The following INTU variants were observed in gnomAD, a reference collection of about 807,000 sequenced individuals.
INTU encodes the protein protein inturned.
A neutral mutation model predicts 100.5 loss-of-function variants in INTU; 68 were observed. The observed-to-expected ratio is 0.68, with a 90% CI of 0.56 to 0.83. The LOEUF (loss-of-function observed/expected upper bound fraction) is 0.83. Ranked by LOEUF, INTU falls within the 40% of genes least tolerant of loss-of-function variation. The pLI, the probability that INTU is intolerant of heterozygous loss-of-function variation, is 0.00. For missense variants in INTU, 1,071 were observed against 1,114.7 expected (o/e 0.96, Z 0.56); for synonymous variants, 357 against 395.7 (o/e 0.90, Z 1.16).
At chr4:127,649,636 T>A (rs925172247) in intron 2 of INTU, among the ~76,000 whole-genome samples, 1 of 152,116 alleles carries the variant, frequency 6.6e-6, no homozygotes, top group East Asian at 1.9e-4. Flanking sequence ...AGTTTTGGAT[T>A]TTGGAGGATT....
chr4:127,656,500 C>T, intron 2 of INTU, 136 bp from the exon 3 acceptor site: 1 of 598,486 alleles, frequency 1.7e-6, no homozygotes. Flanking sequence ...TAAACCTGGA[C>T]AAGTTCCTGC....
At chr4:127,636,386 A>G (rs138928013) in intron 1 of INTU, among the ~76,000 whole-genome samples, 3,786 of 152,126 alleles carry the variant, frequency 0.025, 150 homozygotes, top group African/African-American at 0.086. Flanking sequence ...CGAGGCGGGC[A>G]GATCACCTGA....
chr4:127,689,922 CAT>C (rs1730036485), intron 8 of INTU, among the ~76,000 whole-genome samples: 1 of 152,192 alleles, frequency 6.6e-6, no homozygotes, highest in East Asian at 1.9e-4. Context: ...ATGCCCACTT[CAT>C]GAGTCAGAAG....
intron 4 of INTU, among the ~76,000 whole-genome samples, chr4:127,664,895 G>A (rs1485408483): frequency 1.3e-5 from 2 of 151,522 alleles, no homozygotes; most frequent in Non-Finnish European, 2.9e-5. Context: ...AATTTCTACT[G>A]GAACTGCTTT....
At chr4:127,676,629 C>G (rs1438780668) in intron 6 of INTU, among the ~76,000 whole-genome samples, 3 of 151,454 alleles carry the variant, frequency 2.0e-5, no homozygotes, top group Admixed American at 1.3e-4. Context: ...CCAAGATGGC[C>G]GAATAGGAAC....
chr4:127,697,652 A>G (rs1424589076), intron 8 of INTU, among the ~76,000 whole-genome samples: 1 of 152,086 alleles, frequency 6.6e-6, no homozygotes, highest in African/African-American at 2.4e-5. Flanking sequence ...TGTTCTTTTT[A>G]TGGCTAAATA....
intron 8 of INTU, among the ~76,000 whole-genome samples, chr4:127,696,814 A>G (rs774077551): frequency 6.6e-6 from 1 of 152,126 alleles, no homozygotes; most frequent in Non-Finnish European, 1.5e-5. Context: ...ATATGCATTT[A>G]ATGCTATAAA....
At chr4:127,645,913 T>G (rs1362391001) in intron 2 of INTU, among the ~76,000 whole-genome samples, 1 of 151,922 alleles carries the variant, frequency 6.6e-6, no homozygotes, top group Non-Finnish European at 1.5e-5. Flanking sequence ...CCTGGCGTGG[T>G]GGCTAACACT....
intron 9 of INTU, among the ~76,000 whole-genome samples, chr4:127,703,864 G>C (rs956745532): frequency 9.2e-5 from 14 of 152,044 alleles, no homozygotes; most frequent in African/African-American, 3.4e-4. Context: ...CAAATAGGTT[G>C]CATCAATTAG....
At chr4:127,666,933 T>C (rs921221803) in intron 4 of INTU, among the ~76,000 whole-genome samples, 10 of 152,226 alleles carry the variant, frequency 6.6e-5, no homozygotes. Flanking sequence ...ATTTAGTGAA[T>C]AATCAAAATG....
chr4:127,685,740 A>C (rs1578601139), intron 7 of INTU: 1 of 221,022 alleles, frequency 4.5e-6, no homozygotes, highest in African/African-American at 2.3e-5. Context: ...TGTTTTCATA[A>C]AACCAGAGAT....
chr4:127,664,776 G>A (rs572169047), intron 4 of INTU, among the ~76,000 whole-genome samples: 1 of 150,852 alleles, frequency 6.6e-6, no homozygotes, highest in African/African-American at 2.4e-5. Context: ...TCTTTTACAC[G>A]CAGCCTGTTT....
intron 7 of INTU, chr4:127,686,656 A>G (rs991056302): frequency 1.9e-4 from 29 of 152,154 alleles, no homozygotes; most frequent in African/African-American, 6.3e-4. Flanking sequence ...AAAATAGCCA[A>G]TCTGTCACAC....
At chr4:127,673,310 A>T (rs1350070944) in intron 5 of INTU, among the ~76,000 whole-genome samples, 2 of 150,684 alleles carry the variant, frequency 1.3e-5, no homozygotes, top group Admixed American at 6.6e-5. Context: ...CACCCCAAGT[A>T]GCTAGGGACT....
intron 1 of INTU, among the ~76,000 whole-genome samples, chr4:127,640,564 T>A (rs1218476233): frequency 1.5e-5 from 1 of 67,830 alleles, no homozygotes. Context: ...TATATATATA[T>A]ATATATATAT....
chr4:127,655,178 G>A (rs961081808), intron 2 of INTU, among the ~76,000 whole-genome samples: 6 of 151,480 alleles, frequency 4.0e-5, no homozygotes, highest in East Asian at 1.9e-4. Context: ...ATGTCCTCTC[G>A]TAGCTCAGAG....
At chr4:127,658,748 G>A (rs1728346143) in intron 3 of INTU, among the ~76,000 whole-genome samples, 1 of 152,126 alleles carries the variant, frequency 6.6e-6, no homozygotes, top group Non-Finnish European at 1.5e-5. Flanking sequence ...AAGAAAAAGG[G>A]AGAGAAAGAA....
Position 127,684,480 on chromosome 4 carries a change from T to C in INTU, c.1253T>C (p.Leu418Ser), listed in dbSNP as rs754069248. ...IQTLKFMYGSLDSAFCQIENV... is the reference protein window; with the variant it reads ...IQTLKFMYGSSDSAFCQIENV... ...ACCTTAAAATTTATGTATGGTTCTT[T>C]AGATAGGTAAGTACTTCTTCAAATT... The change falls in exon 7 of 16, where the codon TTA becomes TCA. Residue 418 changes from leucine to serine, a missense_variant. Leu to Ser is a moderately radical substitution (Grantham distance 145, BLOSUM62 -2). Transcript: ENST00000335251. 2 of 1,516,602 alleles carry C rather than the reference T, an allele frequency of 1.3e-6. No homozygotes were observed. Among genetic ancestry groups the C allele is most frequent in the South Asian group, 2.3e-5 (2 of 87,824 alleles). 93.9% of individuals were successfully genotyped at this position (1,516,602 alleles called of 1,614,324 possible). A position where few individuals can be genotyped will look rare whatever the true frequency, so the allele number is the denominator to read the frequency against.
Position 127,687,805 on chromosome 4 carries a change from A to T in INTU, c.1387A>T (p.Ser463Cys), listed in dbSNP as rs756881691. ...SPSAQQYDAS[S>C]AVLLDNLPGV... The stretch of plus-strand genomic sequence containing the variant: ...CAGTGCTCAGCAGTACGATGCTTCC[A>T]GTGCAGTACTTTTAGACAACCTCCC... The change falls in exon 8 of 16, where the codon AGT (serine) becomes TGT (cysteine). Residue 463 changes from serine to cysteine, a missense_variant. Ser to Cys is a moderately radical substitution (Grantham distance 112, BLOSUM62 -1). Transcript: ENST00000335251. 9.3e-6 allele frequency: 15 copies of T among 1,610,672 alleles called. No homozygotes were observed. Among genetic ancestry groups the T allele is most frequent in the Non-Finnish European group, 1.3e-5 (15 of 1,177,848 alleles).
Sources: gnomAD v4.1 joint callset for allele counts (sites outside exome capture counted in the v4.1 genomes callset) on GRCh38, gnomAD v4.1.1 for gene constraint, MANE v1.5 for transcripts, NCBI Gene and HGNC (gene_info 2026-07-23, HGNC 2026-07-21) for gene names.